TNFSF4: variants seen among roughly 807,000 people sequenced by gnomAD.
The protein encoded by TNFSF4 is tumor necrosis factor ligand superfamily member 4.
A neutral mutation model predicts 7.3 loss-of-function variants in TNFSF4; 4 were observed. That is an observed-to-expected ratio of 0.55 (90% CI 0.27 to 1.25). TNFSF4 has a LOEUF of 1.25. Among genes scored for constraint, TNFSF4 ranks in the 50% most tolerant of loss-of-function variants. The pLI, the probability that TNFSF4 is intolerant of heterozygous loss-of-function variation, is 0.12. For synonymous variants in TNFSF4, 76 were observed against 83.7 expected, an observed-to-expected ratio of 0.91 and a Z score of 0.50; for missense variants, 181 against 208.8, an observed-to-expected ratio of 0.87 and a Z score of 0.82.
At chr1:173,247,628 A>AT in the TNFSF4 span, among the ~76,000 whole-genome samples, 297 of 151,942 alleles carry the variant, frequency 2.0e-3, no homozygotes, top group African/African-American at 5.9e-3. Flanking sequence ...GGCATTTTTT[A>AT]TTTTTTTTGT....
chr1:173,383,250 A>G, the TNFSF4 span, among the ~76,000 whole-genome samples: 1 of 152,192 alleles, frequency 6.6e-6, no homozygotes, highest in South Asian at 2.1e-4. Context: ...ATAGCAATCC[A>G]TGCTGAGGTT....
the TNFSF4 span, among the ~76,000 whole-genome samples, chr1:173,267,132 G>T: frequency 1.3e-5 from 2 of 152,122 alleles, no homozygotes; most frequent in Non-Finnish European, 2.9e-5. Flanking sequence ...AAGATCGAAA[G>T]ATGTATTATT....
chr1:173,416,898 C>G, the TNFSF4 span, among the ~76,000 whole-genome samples: 1 of 152,034 alleles, frequency 6.6e-6, no homozygotes, highest in Non-Finnish European at 1.5e-5. Flanking sequence ...TGGCCGGCCA[C>G]AAATGTTATT....
chr1:173,255,642 C>T, the TNFSF4 span, among the ~76,000 whole-genome samples: 1 of 152,156 alleles, frequency 6.6e-6, no homozygotes, highest in African/African-American at 2.4e-5. Context: ...AGACAGTTTA[C>T]ACTGTTGACT....
the TNFSF4 span, among the ~76,000 whole-genome samples, chr1:173,268,760 T>G: frequency 3.1e-4 from 47 of 152,152 alleles, no homozygotes; most frequent in African/African-American, 1.0e-3. Context: ...AAACATGACA[T>G]AGGTTGGATG....
At chr1:173,342,378 C>A in the TNFSF4 span, among the ~76,000 whole-genome samples, 1 of 152,120 alleles carries the variant, frequency 6.6e-6, no homozygotes, top group Non-Finnish European at 1.5e-5. Context: ...AAGCAGCTCA[C>A]ATAATTTGAG....
the TNFSF4 span, among the ~76,000 whole-genome samples, chr1:173,338,167 C>G: frequency 3.9e-5 from 6 of 152,308 alleles, no homozygotes; most frequent in Middle Eastern, 3.4e-3. Flanking sequence ...ACCATTCCCC[C>G]ACAGGAATCA....
upstream of TNFSF4, among the ~76,000 whole-genome samples, chr1:173,209,740 C>A (rs1650312962): frequency 6.6e-6 from 1 of 152,180 alleles, no homozygotes. Flanking sequence ...TAGCCTCAAG[C>A]AATCCTCCTG....
At chr1:173,372,203 T>C in the TNFSF4 span, among the ~76,000 whole-genome samples, 5 of 152,206 alleles carry the variant, frequency 3.3e-5, no homozygotes, top group African/African-American at 1.2e-4. Flanking sequence ...TACTGGCTTG[T>C]CCTCACCCTA....
the TNFSF4 span, among the ~76,000 whole-genome samples, chr1:173,264,311 C>G: frequency 7.1e-6 from 1 of 139,864 alleles, no homozygotes; most frequent in East Asian, 2.0e-4. Context: ...CCACATCTGG[C>G]TTCTTCTTTT....
At chr1:173,182,357 A>G (rs2101975798), downstream of TNFSF4, among the ~76,000 whole-genome samples, 1 of 152,312 alleles carries the variant, frequency 6.6e-6, no homozygotes, top group Middle Eastern at 3.4e-3. Flanking sequence ...AGAATGTTCT[A>G]TTTTGAGCAT....
chr1:173,340,363 CACACAT>C, the TNFSF4 span, among the ~76,000 whole-genome samples: 13 of 147,504 alleles, frequency 8.8e-5, no homozygotes, highest in South Asian at 4.4e-4. Flanking sequence ...CACACACACA[CACACAT>C]ACCCTATTAG....
At chr1:173,282,405 T>C in the TNFSF4 span, among the ~76,000 whole-genome samples, 1 of 152,076 alleles carries the variant, frequency 6.6e-6, no homozygotes, top group Non-Finnish European at 1.5e-5. Context: ...ATATAAGACA[T>C]TTAAACTCAC....
the TNFSF4 span, among the ~76,000 whole-genome samples, chr1:173,381,648 A>C: frequency 1.4e-3 from 219 of 152,308 alleles, 1 homozygote; most frequent in African/African-American, 4.8e-3. Context: ...TCTGGAGGAC[A>C]CTACAACTGC....
At chr1:173,340,634 T>C in the TNFSF4 span, among the ~76,000 whole-genome samples, 11 of 152,228 alleles carry the variant, frequency 7.2e-5, no homozygotes, top group South Asian at 2.1e-4. Flanking sequence ...TAGATATTCT[T>C]CAGGTAACAA....
chr1:173,432,812 T>A, the TNFSF4 span, among the ~76,000 whole-genome samples: 1,700 of 152,250 alleles, frequency 0.011, 28 homozygotes, highest in African/African-American at 0.038. Context: ...ACGACAGCAA[T>A]TTCTTAGGTA....
chr1:173,220,360 T>A, the TNFSF4 span, among the ~76,000 whole-genome samples: 1 of 152,178 alleles, frequency 6.6e-6, no homozygotes, highest in Non-Finnish European at 1.5e-5. Flanking sequence ...TTTTGCTTAC[T>A]TTGCTCATTT....
At chr1:173,441,370 C>A in the TNFSF4 span, among the ~76,000 whole-genome samples, 1 of 152,190 alleles carries the variant, frequency 6.6e-6, no homozygotes, top group Admixed American at 6.5e-5. Context: ...GCCCTATAAT[C>A]CCAGCACTTT....
chr1:173,244,694 A>G, the TNFSF4 span, among the ~76,000 whole-genome samples: 4 of 151,466 alleles, frequency 2.6e-5, no homozygotes, highest in Non-Finnish European at 5.9e-5. Flanking sequence ...CCCTCGAATT[A>G]AAAAAAATTG....
Sources: gnomAD v4.1 joint callset for allele counts (sites outside exome capture counted in the v4.1 genomes callset) on GRCh38, gnomAD v4.1.1 for gene constraint, MANE v1.5 for transcripts, NCBI Gene and HGNC (gene_info 2026-07-23, HGNC 2026-07-21) for gene names.